The following SLC5A7 variants were observed in gnomAD, a reference collection of about 807,000 sequenced individuals.
The protein encoded by SLC5A7 is solute carrier family 5 member 7.
In SLC5A7, 19 loss-of-function variants were observed where a neutral mutation model predicts 55.4. The ratio of observed to expected loss-of-function variants is 0.34; its 90% CI spans 0.24 to 0.50. SLC5A7 has a LOEUF of 0.50. SLC5A7 is among the 20% of genes least tolerant of loss of function. SLC5A7 has a pLI of 0.98. For missense variants in SLC5A7, 506 were observed against 705.3 expected (o/e 0.72, Z 3.20); for synonymous variants, 265 against 263.7 (o/e 1.00, Z -0.05).
Position 108,001,897 on chromosome 2 carries a change from T to A in SLC5A7, c.598T>A (p.Trp200Arg). 6.2e-7 allele frequency: 1 copy of A among 1,613,856 alleles called. No individual in the cohort carries two copies. The highest frequency in any genetic ancestry group is 8.5e-7 in the Non-Finnish European group (1 of 1,179,852). ...VQLFCIFVGLWISVPFALSHP... is the reference protein window; with the variant it reads ...VQLFCIFVGLRISVPFALSHP... ...GCTCCAGTGTCACTTTCTGTTGCAG[T>A]GGATCAGCGTCCCCTTTGCATTGTC... is the stretch of plus-strand genomic sequence containing the variant. The change falls in exon 6 of 9, where the codon TGG becomes AGG. Residue 200 changes from tryptophan (W) to arginine (R), a missense_variant and splice_region_variant. By Grantham distance (101) the Trp-to-Arg change is moderately radical (BLOSUM62 -3). This residue lies in a region of SLC5A7 where 309 missense variants were observed against 478.6 expected (regional missense o/e 0.65). Transcript: ENST00000264047.
At chr2:107,995,468 A>T (rs3082159) in intron 4 of SLC5A7, among the ~76,000 whole-genome samples, 20,123 of 124,186 alleles carry the variant, frequency 0.16, 1,425 homozygotes, top group Middle Eastern at 0.21. Context: ...AGAGAGAGAG[A>T]GAGTGTGTGT....
Position 108,011,460 on chromosome 2 carries a change from AG to A in SLC5A7, c.*600del, listed in dbSNP as rs1678325515. The A allele has an allele frequency of 6.6e-6, 1 of 152,142 alleles. No individual in the cohort carries two copies. Among genetic ancestry groups the A allele is most frequent in the Non-Finnish European group, 1.5e-5 (1 of 68,006 alleles). 9.4% of individuals were successfully genotyped at this position (152,142 alleles called of 1,614,324 possible). A position where few individuals can be genotyped will look rare whatever the true frequency, so the allele number is the denominator to read the frequency against. On this transcript the variant is annotated 3_prime_UTR_variant, in exon 9 of 9. Transcript: ENST00000264047. ...AGCACGGGCAAAGAAAACACACAAAAGATTATGTATTGGCATTTATTTATGT... is the reference window on the plus strand; with the variant it reads ...AGCACGGGCAAAGAAAACACACAAAAATTATGTATTGGCATTTATTTATGT...
chr2:108,004,972 A>G (rs1678047420), intron 6 of SLC5A7, among the ~76,000 whole-genome samples: 1 of 152,208 alleles, frequency 6.6e-6, no homozygotes, highest in Non-Finnish European at 1.5e-5. Context: ...ATTGCATTAT[A>G]GTTTAAACGT....
intron 2 of SLC5A7, 104 bp downstream of exon 2, chr2:107,988,437 C>G: frequency 1.0e-6 from 1 of 975,664 alleles, no homozygotes; most frequent in Non-Finnish European, 1.5e-6. Flanking sequence ...GGTCTTTGTC[C>G]TTTGGGGATT....
At chr2:108,006,504 G>A (rs1303036536) in intron 7 of SLC5A7, among the ~76,000 whole-genome samples, 1 of 151,210 alleles carries the variant, frequency 6.6e-6, no homozygotes. Context: ...ATAGGTGTGA[G>A]CTACTGCGCC....
At chr2:107,994,222 T>C (rs764192614) in intron 4 of SLC5A7, among the ~76,000 whole-genome samples, 4 of 152,190 alleles carry the variant, frequency 2.6e-5, no homozygotes, top group Admixed American at 6.5e-5. Flanking sequence ...ATTTTTTTGA[T>C]TGCCAACTAT....
rs773790295 is a variant in SLC5A7, at chr2:107,992,119, A to T, written c.192A>T (p.Gly64=). The T allele has an allele frequency of 1.7e-5, 28 of 1,612,800 alleles. No homozygotes were observed. In the Admixed American group the frequency reaches 4.7e-4, roughly 27 times the overall value. ...GGFTMTATWV[G]GGYINGTAEA... ...ATTCTGTTTCAGCTACCTGGGTCGG[A>T]GGAGGGTATATCAATGGCACAGCTG... Residue 64 remains glycine, a synonymous_variant, in exon 3 of 9, where the codon GGA becomes GGT. Coordinates refer to ENST00000264047, the MANE Select transcript of SLC5A7 (RefSeq NM_021815.5).
Position 107,992,955 on chromosome 2 carries a change from A to T in SLC5A7, c.293-17A>T, listed in dbSNP as rs1573593291. Reference sequence around the variant, plus strand: ...ACATTCTTTTTATTTTCTCCTAAACAGTTGCTTAATTTTTAGGTGGCCTGT... The same window carrying T: ...ACATTCTTTTTATTTTCTCCTAAACTGTTGCTTAATTTTTAGGTGGCCTGT... On this transcript the variant is annotated splice_polypyrimidine_tract_variant and intron_variant, in intron 3 of 8. Coordinates refer to ENST00000264047, the MANE Select transcript of SLC5A7 (RefSeq NM_021815.5). The T allele has an allele frequency of 1.2e-6, 2 of 1,611,830 alleles. No individual in the cohort carries two copies.
At position 107,992,086 on chromosome 2, in the gene SLC5A7, C is replaced by T. The variant is rs375281148; in HGVS notation, c.179-20C>T. ...AACAGGTAAGACAGTATCACTCCCT[C>T]ACTTTTCATTCTGTTTCAGCTACCT... On this transcript the variant is annotated intron_variant, in intron 2 of 8. Coordinates refer to ENST00000264047, the MANE Select transcript of SLC5A7 (RefSeq NM_021815.5). 3.9e-5 allele frequency: 60 copies of T among 1,535,158 alleles called. No individual in the cohort carries two copies. The highest frequency in any genetic ancestry group is 5.4e-5 in the Non-Finnish European group (60 of 1,109,064).
chr2:108,010,632 G>T lies in SLC5A7; in HGVS notation c.1514G>T (p.Gly505Val). 6.2e-7 allele frequency: 1 copy of T among 1,613,922 alleles called. No individual in the cohort carries two copies. The highest frequency in any genetic ancestry group is 8.5e-7 in the Non-Finnish European group (1 of 1,179,944). The change falls in exon 9 of 9, where the codon GGA (glycine) becomes GTA (valine). Residue 505 changes from glycine (G) to valine (V), a missense_variant. Physicochemically the swap from Gly to Val is moderately radical, Grantham distance 109 (BLOSUM62 -3). Coordinates refer to ENST00000264047, the MANE Select transcript of SLC5A7 (RefSeq NM_021815.5). The stretch of plus-strand genomic sequence containing the variant: ...CTAGCCAAGTATCTATTTGAAAGTG[G>T]AACCTTGCCACCTAAATTAGATGTA... ...SYLAKYLFES[G>V]TLPPKLDVFD...
At chr2:107,989,972 T>C (rs950902655) in intron 2 of SLC5A7, among the ~76,000 whole-genome samples, 1 of 152,210 alleles carries the variant, frequency 6.6e-6, no homozygotes, top group Non-Finnish European at 1.5e-5. Flanking sequence ...CTTCCTCAGT[T>C]CGTAAAACTT....
chr2:108,000,638 A>T (rs1222367653), intron 5 of SLC5A7, among the ~76,000 whole-genome samples: 1 of 152,054 alleles, frequency 6.6e-6, no homozygotes, highest in East Asian at 1.9e-4. Context: ...TCTGTCAGCC[A>T]GGCTGGAGTG....
Position 108,010,961 on chromosome 2 carries a change from A to G in SLC5A7, c.*100A>G. On this transcript the variant is annotated 3_prime_UTR_variant, in exon 9 of 9. Coordinates refer to ENST00000264047, the MANE Select transcript of SLC5A7 (RefSeq NM_021815.5). ...ATACAAAAATATATTAAAAATATAA[A>G]CAATGTTCAGGAGAGTAAAAATTCA... is the stretch of plus-strand genomic sequence containing the variant. 7.9e-7 allele frequency: 1 copy of G among 1,262,932 alleles called. No homozygotes were observed. Among genetic ancestry groups the G allele is most frequent in the Non-Finnish European group, 1.0e-6 (1 of 952,794 alleles). The allele number at this position is 1,262,932 out of a possible 1,614,324, so 78.2% of individuals were successfully genotyped here.
intron 5 of SLC5A7, among the ~76,000 whole-genome samples, chr2:108,001,242 GAGAT>G (rs1031717003): frequency 5.9e-5 from 9 of 152,008 alleles, no homozygotes; most frequent in Admixed American, 2.0e-4. Flanking sequence ...TAGACAGTCA[GAGAT>G]AGATAGATGA....
At chr2:108,001,378 G>T (rs897826018) in intron 5 of SLC5A7, among the ~76,000 whole-genome samples, 1 of 152,158 alleles carries the variant, frequency 6.6e-6, no homozygotes, top group African/African-American at 2.4e-5. Flanking sequence ...ATCAAGCATA[G>T]AAATAGTCAA....
chr2:108,010,795 T>C lies in SLC5A7; in HGVS notation c.1677T>C (p.Asn559=), dbSNP rs1678299598. 8 of 1,612,836 alleles carry C rather than the reference T, an allele frequency of 5.0e-6. No individual in the cohort carries two copies. The highest frequency in any genetic ancestry group is 1.1e-5 in the South Asian group (1 of 90,956). The change falls in exon 9 of 9, where the codon AAT becomes AAC. Residue 559 remains asparagine (N), a synonymous_variant. Transcript: ENST00000264047. ...TGACCCTCAGCTCAACTTTCACCAA[T>C]AAAGAGGCCTTCCTTGATGTTGATT... ...QSMTLSSTFT[N]KEAFLDVDSS...
At chr2:108,004,383 C>T (rs1209767800) in intron 6 of SLC5A7, among the ~76,000 whole-genome samples, 1 of 152,086 alleles carries the variant, frequency 6.6e-6, no homozygotes, top group African/African-American at 2.4e-5. Flanking sequence ...CCTTTAATTA[C>T]TTTTGAACAT....
chr2:107,986,576 A>C lies in SLC5A7; in HGVS notation c.-239A>C, dbSNP rs1677244424. The C allele has an allele frequency of 6.5e-6, 1 of 152,830 alleles. No homozygotes were observed. Among genetic ancestry groups the C allele is most frequent in the African/African-American group, 2.4e-5 (1 of 41,404 alleles). 9.5% of individuals were successfully genotyped at this position (152,830 alleles called of 1,614,324 possible). ...CCCTCCGCCGGCGCCAACACCTGTC[A>C]ACTCTGCGCGCTCCCAGGTTCTTGG... On this transcript the variant is annotated 5_prime_UTR_variant, in exon 1 of 9. Coordinates refer to ENST00000264047, the MANE Select transcript of SLC5A7 (RefSeq NM_021815.5).
At chr2:107,995,351 A>G (rs1225869355) in intron 4 of SLC5A7, among the ~76,000 whole-genome samples, 2 of 152,156 alleles carry the variant, frequency 1.3e-5, no homozygotes, top group African/African-American at 4.8e-5. Flanking sequence ...ATGACTACAT[A>G]TGTAAAATAT....
Sources: allele counts gnomAD v4.1 joint callset (sites outside exome capture counted in the v4.1 genomes callset), GRCh38; gene constraint gnomAD v4.1.1; regional missense constraint gnomAD v4.1.1; transcripts MANE v1.5; gene names NCBI Gene and HGNC (gene_info 2026-07-23, HGNC 2026-07-21).